GNAQ: variants seen among roughly 807,000 people sequenced by gnomAD.
GNAQ encodes G protein subunit alpha q.
Under a neutral mutation model 43.9 loss-of-function variants are expected in GNAQ, and 8 were observed. That is an observed-to-expected ratio of 0.18 (90% confidence interval 0.11 to 0.33). The LOEUF (loss-of-function observed/expected upper bound fraction) is 0.33. GNAQ is among the 10% of genes least tolerant of loss of function. GNAQ has a pLI of 1.00. For missense variants in GNAQ, 158 were observed against 450.8 expected (o/e 0.35, Z 5.88); for synonymous variants, 155 against 170.7 (o/e 0.91, Z 0.71).
chr9:77,736,979 T>C (rs1440084370), intron 5 of GNAQ, among the ~76,000 whole-genome samples: 1 of 152,262 alleles, frequency 6.6e-6, no homozygotes, highest in East Asian at 1.9e-4. Context: ...ATTTTTTTAC[T>C]TTATGCTTAG....
chr9:77,783,919 G>A (rs540061777), intron 5 of GNAQ, among the ~76,000 whole-genome samples: 2 of 152,118 alleles, frequency 1.3e-5, no homozygotes, highest in African/African-American at 4.8e-5. Flanking sequence ...AATTCTTGAT[G>A]ACAAAAGGAA....
At chr9:77,801,294 C>T (rs1197996096) in intron 3 of GNAQ, among the ~76,000 whole-genome samples, 1 of 152,172 alleles carries the variant, frequency 6.6e-6, no homozygotes, top group Non-Finnish European at 1.5e-5. Context: ...GGTATCACTC[C>T]TAAGTTCAGG....
intron 2 of GNAQ, among the ~76,000 whole-genome samples, chr9:77,849,703 G>A (rs189023817): frequency 9.9e-5 from 15 of 152,216 alleles, no homozygotes; most frequent in African/African-American, 3.6e-4. Context: ...TGCCTTCTCT[G>A]ATGCCCAGGC....
rs767206352 is a variant in GNAQ at position 77,815,756 on chromosome 9, T to C, written c.336A>G (p.Leu112=). Residue 112 remains leucine, a synonymous_variant, in exon 3 of 7, where the codon TTA becomes TTG. Coordinates refer to ENST00000286548, the MANE Select transcript of GNAQ (RefSeq NM_002072.5). ...KYEHNKAHAQ[L]VREVDVEKVS... ...CCTTCTCCACATCAACTTCTCGAAC[T>C]AATTGTGCATGAGCCTGTTTAAATA... is the stretch of plus-strand genomic sequence containing the variant. The C allele has an allele frequency of 5.6e-6, 9 of 1,611,442 alleles. No homozygotes were observed. Among genetic ancestry groups the C allele is most frequent in the Non-Finnish European group, 7.6e-6 (9 of 1,178,198 alleles).
chr9:77,723,622 G>T (rs2118198768), intron 6 of GNAQ, among the ~76,000 whole-genome samples: 1 of 152,292 alleles, frequency 6.6e-6, no homozygotes, highest in Non-Finnish European at 1.5e-5. Context: ...AAAGAGTAAA[G>T]CTCTGACAGA....
chr9:77,904,565 C>T (rs1253534267), intron 2 of GNAQ, among the ~76,000 whole-genome samples: 1 of 151,994 alleles, frequency 6.6e-6, no homozygotes, highest in Admixed American at 6.5e-5. Context: ...ATCTCCTGAC[C>T]TCATGATCTG....
In GNAQ at chr9:77,718,340, A is replaced by G. The variant is rs560904340; in HGVS notation, c.*2983T>C. On this transcript the variant is annotated 3_prime_UTR_variant, in exon 7 of 7. Coordinates refer to ENST00000286548, the MANE Select transcript of GNAQ (RefSeq NM_002072.5). Reference sequence around the variant, plus strand: ...TCCCGTCCCGCCCCTAGCCCCTTCAATAAAACCCCGAAGAAACAAAAAAGA... The same window carrying G: ...TCCCGTCCCGCCCCTAGCCCCTTCAGTAAAACCCCGAAGAAACAAAAAAGA... The G allele has an allele frequency of 1.4e-4, 33 of 232,386 alleles. No individual in the cohort carries two copies. The highest frequency in any genetic ancestry group is 2.6e-4 in the Non-Finnish European group (31 of 117,540). 14.4% of individuals were successfully genotyped at this position (232,386 alleles called of 1,614,324 possible).
intron 1 of GNAQ, among the ~76,000 whole-genome samples, chr9:78,011,819 A>G (rs1415329752): frequency 6.6e-6 from 1 of 152,216 alleles, no homozygotes; most frequent in Non-Finnish European, 1.5e-5. Context: ...TGGCAGAGAA[A>G]CAACAAAAAT....
intron 2 of GNAQ, among the ~76,000 whole-genome samples, chr9:77,878,907 G>A (rs545817191): frequency 1.6e-4 from 25 of 152,030 alleles, no homozygotes; most frequent in Non-Finnish European, 3.1e-4. Context: ...TTAGTCGAGC[G>A]TGGTGGTACA....
chr9:77,893,084 G>T (rs1828429658), intron 2 of GNAQ, among the ~76,000 whole-genome samples: 1 of 152,120 alleles, frequency 6.6e-6, no homozygotes, highest in African/African-American at 2.4e-5. Flanking sequence ...GATGTCAAAG[G>T]GTTTCAAACC....
At chr9:77,767,458 G>C (rs1826155094) in intron 5 of GNAQ, among the ~76,000 whole-genome samples, 2 of 152,168 alleles carry the variant, frequency 1.3e-5, no homozygotes, top group Admixed American at 6.5e-5. Context: ...TGCTCTGGTA[G>C]TATGCATCAC....
chr9:77,857,851 C>A (rs1587367946), intron 2 of GNAQ, among the ~76,000 whole-genome samples: 1 of 142,398 alleles, frequency 7.0e-6, no homozygotes. Context: ...ATAGGTAAAA[C>A]ATTTTGAGAA....
At chr9:77,724,181 A>G (rs998825851) in intron 6 of GNAQ, among the ~76,000 whole-genome samples, 3 of 152,040 alleles carry the variant, frequency 2.0e-5, no homozygotes, top group African/African-American at 7.2e-5. Flanking sequence ...GTTCTATACC[A>G]AGCAATAAGA....
At chr9:77,953,251 G>T (rs1484265279) in intron 1 of GNAQ, among the ~76,000 whole-genome samples, 1 of 152,170 alleles carries the variant, frequency 6.6e-6, no homozygotes, top group Non-Finnish European at 1.5e-5. Context: ...GTAGGACCAG[G>T]TCTATTTACA....
chr9:77,822,832 C>T (rs1011971046), intron 2 of GNAQ, among the ~76,000 whole-genome samples: 1 of 152,010 alleles, frequency 6.6e-6, no homozygotes, highest in African/African-American at 2.4e-5. Context: ...TGCTTAAATG[C>T]CCCTTTAACA....
At chr9:77,800,274 G>A (rs376755853) in intron 3 of GNAQ, among the ~76,000 whole-genome samples, 14 of 151,878 alleles carry the variant, frequency 9.2e-5, no homozygotes, top group South Asian at 6.3e-4. Context: ...ACATGCACAC[G>A]TATGTTTATT....
intron 2 of GNAQ, among the ~76,000 whole-genome samples, chr9:77,891,564 G>A (rs939928962): frequency 6.6e-6 from 1 of 152,134 alleles, no homozygotes; most frequent in Admixed American, 6.5e-5. Context: ...TGTATTATAC[G>A]ATTGTCATCT....
chr9:77,986,102 C>T (rs1226004582), intron 1 of GNAQ, among the ~76,000 whole-genome samples: 1 of 152,132 alleles, frequency 6.6e-6, no homozygotes, highest in Non-Finnish European at 1.5e-5. Flanking sequence ...TAAAGTCCCA[C>T]ATCAATATTT....
rs2118187543 is a variant in GNAQ at position 77,720,529 on chromosome 9, A to T, written c.*794T>A. 1 of 233,512 alleles carries T rather than the reference A, an allele frequency of 4.3e-6. No homozygotes were observed. Among genetic ancestry groups the T allele is most frequent in the South Asian group, 1.8e-4 (1 of 5,520 alleles). The allele number at this position is 233,512 out of a possible 1,614,324, so 14.5% of individuals were successfully genotyped here. Reference sequence around the variant, plus strand: ...AAAGAGAGGGTAAGAAAAAGAAGCAAAGAAGGGAGGAAAGACAATGGCACG... The same window carrying T: ...AAAGAGAGGGTAAGAAAAAGAAGCATAGAAGGGAGGAAAGACAATGGCACG... On this transcript the variant is annotated 3_prime_UTR_variant, in exon 7 of 7. Coordinates refer to ENST00000286548, the MANE Select transcript of GNAQ (RefSeq NM_002072.5).
Sources: allele counts gnomAD v4.1 joint callset (sites outside exome capture counted in the v4.1 genomes callset), GRCh38; gene constraint gnomAD v4.1.1; transcripts MANE v1.5; gene names NCBI Gene and HGNC (gene_info 2026-07-23, HGNC 2026-07-21).